The following CAMK4 variants were observed in gnomAD, a reference collection of about 807,000 sequenced individuals.
The protein encoded by CAMK4 is calcium/calmodulin-dependent protein kinase type IV.
A neutral mutation model predicts 44.9 loss-of-function variants in CAMK4; 22 were observed. The observed-to-expected ratio is 0.49, with a 90% CI of 0.35 to 0.70. The LOEUF (loss-of-function observed/expected upper bound fraction) is 0.70. Among genes scored for constraint, CAMK4 ranks in the 30% least tolerant of loss-of-function variants. The probability of loss-of-function intolerance (pLI) is 0.01; values close to 1 mark genes in which losing one functional copy is unlikely to be tolerated. For missense variants in CAMK4, 498 were observed against 586.8 expected, an observed-to-expected ratio of 0.85 and a Z score of 1.56; for synonymous variants, 218 against 215.4, an observed-to-expected ratio of 1.01 and a Z score of -0.11.
chr5:111,484,066 G>A lies in CAMK4; in HGVS notation c.1022G>A (p.Ser341Asn), dbSNP rs1427340921. 18 of 1,608,288 alleles carry A rather than the reference G, an allele frequency of 1.1e-5. No homozygotes were observed. In the East Asian group the frequency reaches 4.0e-4, roughly 36 times the overall value. The change falls in exon 11 of 11, where the codon AGT becomes AAT. Residue 341 changes from serine to asparagine, a missense_variant. By Grantham distance (46) the Ser-to-Asn change is conservative. Transcript: ENST00000282356. The surrounding 1 kb of genome is among the most constrained non-coding windows in gnomAD (Gnocchi z 5.3). Reference protein sequence around the residue: ...KAVVASSRLGSASSSHGSIQE... With the variant: ...KAVVASSRLGNASSSHGSIQE... ...GTGGTGGCCTCTTCGCGCCTGGGAA[G>A]TGCCAGCAGCAGCCATGGCAGCATC...
intron 1 of CAMK4, among the ~76,000 whole-genome samples, chr5:111,246,143 G>A (rs1488590969): frequency 1.3e-5 from 2 of 152,158 alleles, no homozygotes; most frequent in Non-Finnish European, 2.9e-5. Flanking sequence ...TTCTCGAGAT[G>A]TTTAAGGAGC....
chr5:111,411,297 T>C (rs1183348585), intron 5 of CAMK4, among the ~76,000 whole-genome samples: 1 of 152,174 alleles, frequency 6.6e-6, no homozygotes, highest in Non-Finnish European at 1.5e-5. Context: ...TCCTTTTTCT[T>C]CCCACCATAG....
intron 2 of CAMK4, among the ~76,000 whole-genome samples, chr5:111,371,090 A>G (rs1040990227): frequency 3.9e-5 from 6 of 152,184 alleles, no homozygotes; most frequent in East Asian, 3.9e-4. Flanking sequence ...TACAAAATGT[A>G]TGCTTTTTTC....
At chr5:111,472,952 T>A (rs527516084) in intron 7 of CAMK4, among the ~76,000 whole-genome samples, 1 of 152,338 alleles carries the variant, frequency 6.6e-6, no homozygotes, top group African/African-American at 2.4e-5. Context: ...TTTTCTCCCT[T>A]GTTATGCTTA....
intron 5 of CAMK4, among the ~76,000 whole-genome samples, chr5:111,425,258 T>A (rs1441684977): frequency 6.6e-6 from 1 of 152,238 alleles, no homozygotes; most frequent in Non-Finnish European, 1.5e-5. Flanking sequence ...ATTGCAACTT[T>A]CATTCAATTA....
chr5:111,429,457 C>T (rs1448165671), intron 5 of CAMK4, among the ~76,000 whole-genome samples: 2 of 151,824 alleles, frequency 1.3e-5, no homozygotes, highest in Non-Finnish European at 2.9e-5. Flanking sequence ...CTGAACAGAC[C>T]AATAAAAAGT....
chr5:111,234,943 A>G (rs1391286496), intron 1 of CAMK4, among the ~76,000 whole-genome samples: 3 of 152,250 alleles, frequency 2.0e-5, no homozygotes, highest in Non-Finnish European at 4.4e-5. Context: ...AAACTGGAAC[A>G]TAGAAGTGGA....
chr5:111,260,176 T>A (rs1158578283), intron 1 of CAMK4, among the ~76,000 whole-genome samples: 1 of 152,180 alleles, frequency 6.6e-6, no homozygotes, highest in Non-Finnish European at 1.5e-5. Context: ...TCTCTCATTG[T>A]CTTGACTGTC....
chr5:111,422,775 C>T (rs1218300114), intron 5 of CAMK4, among the ~76,000 whole-genome samples: 1 of 152,090 alleles, frequency 6.6e-6, no homozygotes, highest in African/African-American at 2.4e-5. Flanking sequence ...TTATCTTTTT[C>T]TCTTCCTGGG....
intron 1 of CAMK4, among the ~76,000 whole-genome samples, chr5:111,327,173 A>G (rs1165804683): frequency 7.9e-6 from 1 of 126,356 alleles, no homozygotes; most frequent in African/African-American, 3.2e-5. Flanking sequence ...CCAACTCCAC[A>G]ACAGTCCCTG....
At chr5:111,236,620 T>G (rs983721747) in intron 1 of CAMK4, among the ~76,000 whole-genome samples, 2 of 152,250 alleles carry the variant, frequency 1.3e-5, no homozygotes. Flanking sequence ...GTGTTAAGCA[T>G]GAAACTCTCT....
chr5:111,421,565 T>C (rs908701044), intron 5 of CAMK4, among the ~76,000 whole-genome samples: 3 of 152,242 alleles, frequency 2.0e-5, no homozygotes, highest in Non-Finnish European at 2.9e-5. Context: ...AAAATTCCCC[T>C]TAACTTAATC....
In CAMK4 at chr5:111,313,401, A is replaced by G. The variant is rs137951083; in HGVS notation, c.162-30623A>G. 7.2e-5 allele frequency among the ~76,000 whole-genome samples: 11 copies of G among 152,180 alleles called. No homozygotes were observed. In the East Asian group the frequency reaches 1.2e-3, roughly 16 times the overall value. On this transcript the variant is annotated intron_variant, in intron 1 of 10. Transcript: ENST00000282356. Reference sequence around the variant, plus strand: ...GTTAGAAACTCTTTGTTACCTTTTAATATGTCCTTATACTTAAGAAATATG... The same window carrying G: ...GTTAGAAACTCTTTGTTACCTTTTAGTATGTCCTTATACTTAAGAAATATG...
chr5:111,439,542 G>A (rs945949218), intron 5 of CAMK4, among the ~76,000 whole-genome samples: 3 of 152,186 alleles, frequency 2.0e-5, no homozygotes, highest in Admixed American at 2.0e-4. Flanking sequence ...GGGAATACAG[G>A]TACAGAAGAA....
chr5:111,301,209 C>T (rs1747706001), intron 1 of CAMK4, among the ~76,000 whole-genome samples: 1 of 151,950 alleles, frequency 6.6e-6, no homozygotes, highest in Non-Finnish European at 1.5e-5. Context: ...ACATCTCTTC[C>T]TAGCATAATT....
At chr5:111,339,028 A>G (rs946933403) in intron 1 of CAMK4, among the ~76,000 whole-genome samples, 2 of 151,188 alleles carry the variant, frequency 1.3e-5, no homozygotes, top group African/African-American at 4.8e-5. Flanking sequence ...TGTTGACTCT[A>G]TAGATTGCTT....
At chr5:111,454,496 C>G (rs1484937047) in intron 7 of CAMK4, among the ~76,000 whole-genome samples, 1 of 151,946 alleles carries the variant, frequency 6.6e-6, no homozygotes, top group African/African-American at 2.4e-5. Flanking sequence ...GAAATGTGCC[C>G]AGTCAAAACC....
At chr5:111,384,882 A>G (rs898238303) in intron 4 of CAMK4, among the ~76,000 whole-genome samples, 2 of 152,164 alleles carry the variant, frequency 1.3e-5, no homozygotes, top group South Asian at 4.1e-4. Flanking sequence ...CAATACTTTT[A>G]AACATGACAA....
intron 5 of CAMK4, among the ~76,000 whole-genome samples, chr5:111,424,685 G>C (rs950704161): frequency 6.6e-6 from 1 of 151,606 alleles, no homozygotes; most frequent in Non-Finnish European, 1.5e-5. Context: ...CTGACCTTGC[G>C]ATCCGCCCGC....
Sources: allele counts gnomAD v4.1 joint callset (sites outside exome capture counted in the v4.1 genomes callset), GRCh38; gene constraint gnomAD v4.1.1; non-coding constraint Gnocchi (gnomAD v3.1); transcripts MANE v1.5; gene names NCBI Gene and HGNC (gene_info 2026-07-23, HGNC 2026-07-21).